The following HNRNPM variants were observed in gnomAD, a reference collection of about 807,000 sequenced individuals.
HNRNPM encodes the protein CEA receptor.
A neutral mutation model predicts 73.1 loss-of-function variants in HNRNPM; 11 were observed. That is an observed-to-expected ratio of 0.15 (90% CI 0.09 to 0.25). The LOEUF (loss-of-function observed/expected upper bound fraction) is 0.25. Ranked by LOEUF, HNRNPM falls within the 10% of genes least tolerant of loss-of-function variation. HNRNPM has a pLI of 1.00. For missense variants in HNRNPM, 789 were observed against 1,067.9 expected (o/e 0.74, Z 3.64); for synonymous variants, 407 against 355.2 (o/e 1.15, Z -1.64).
In HNRNPM at chr19:8,462,297, A is replaced by C. The variant is rs111263517; in HGVS notation, c.284-232A>C. The C allele has an allele frequency of 4.5e-5, 22 of 488,296 alleles. No homozygotes were observed. The highest frequency in any genetic ancestry group is 2.5e-4 in the African/African-American group (13 of 52,062). The allele number at this position is 488,296 out of a possible 1,614,324, so 30.2% of individuals were successfully genotyped here. A position where few individuals can be genotyped will look rare whatever the true frequency, so the allele number is the denominator to read the frequency against. On this transcript the variant is annotated intron_variant, in intron 2 of 15. Transcript: ENST00000325495. This position sits in a 1 kb window ranked among gnomAD's most constrained non-coding sequence, Gnocchi z 4.5. The stretch of plus-strand genomic sequence containing the variant: ...GGAAATTGATACGGAAATCTGTGGA[A>C]TAGCTTGTTTGTGGTGGGAGGAAAA...
intron 8 of HNRNPM, among the ~76,000 whole-genome samples, chr19:8,468,362 G>C (rs569276233): frequency 6.6e-6 from 1 of 152,308 alleles, no homozygotes; most frequent in East Asian, 1.9e-4. Flanking sequence ...CTACAGGCAT[G>C]ACTGGAACAT....
intron 12 of HNRNPM, among the ~76,000 whole-genome samples, chr19:8,479,926 C>T (rs1599839755): frequency 6.7e-6 from 1 of 149,896 alleles, no homozygotes. Flanking sequence ...AGGCGCGTGC[C>T]CCCATGTCCG....
At chr19:8,456,407 G>A (rs764924868) in intron 2 of HNRNPM, among the ~76,000 whole-genome samples, 2 of 152,212 alleles carry the variant, frequency 1.3e-5, no homozygotes, top group Non-Finnish European at 1.5e-5. Flanking sequence ...TAAAGAGACT[G>A]CTCAGCCCTG....
intron 13 of HNRNPM, among the ~76,000 whole-genome samples, chr19:8,485,123 G>T (rs1971183379): frequency 6.6e-6 from 1 of 151,972 alleles, no homozygotes; most frequent in African/African-American, 2.4e-5. Context: ...GTGGCCCCCA[G>T]CAGAGCATCC....
At chr19:8,468,626 G>A (rs561274528) in intron 8 of HNRNPM, 148 bp from the exon 9 acceptor site, 48 of 623,720 alleles carry the variant, frequency 7.7e-5, no homozygotes, top group Admixed American at 4.4e-4. Flanking sequence ...AGCATGCTCC[G>A]CATGCCTTTC....
intron 2 of HNRNPM, 147 bp downstream of exon 2, chr19:8,455,721 C>T: frequency 3.8e-6 from 2 of 526,404 alleles, no homozygotes; most frequent in South Asian, 7.0e-5. Flanking sequence ...CTTACCCCAC[C>T]TCAGTTTTTT....
At chr19:8,485,577 A>C in intron 13 of HNRNPM, 26 bp from the exon 14 acceptor site, 1 of 1,586,212 alleles carries the variant, frequency 6.3e-7, no homozygotes. Flanking sequence ...CTTGACACCC[A>C]CCTGTGTTTT....
intron 2 of HNRNPM, among the ~76,000 whole-genome samples, chr19:8,458,047 CA>C (rs1441198811): frequency 6.6e-6 from 1 of 152,160 alleles, no homozygotes; most frequent in African/African-American, 2.4e-5. Context: ...AATTTTCTGT[CA>C]TTATAGCACT....
chr19:8,485,727 G>T lies in HNRNPM; in HGVS notation c.1299G>T (p.Glu433Asp). 1 of 1,606,456 alleles carries T rather than the reference G, an allele frequency of 6.2e-7. No homozygotes were observed. ...ACGGCATGGATCGCGTGGGCTCCGA[G>T]ATCGAGCGCATGGGCCTGGTCATGG... The part of the protein sequence containing the change: ...LGHGMDRVGS[E>D]IERMGLVMDR... The change falls in exon 14 of 16, where the codon GAG (glutamate) becomes GAT (aspartate). Residue 433 changes from glutamate to aspartate, a missense_variant. Glu to Asp is a conservative substitution (Grantham distance 45, BLOSUM62 2). Coordinates refer to ENST00000325495, the MANE Select transcript of HNRNPM (RefSeq NM_005968.5).
chr19:8,475,171 A>C (rs1037587226), intron 12 of HNRNPM, among the ~76,000 whole-genome samples: 1 of 152,262 alleles, frequency 6.6e-6, no homozygotes, highest in Admixed American at 6.5e-5. Flanking sequence ...AGTGACTGGT[A>C]AACAGTGGTG....
chr19:8,474,099 A>G (rs1437923847), intron 11 of HNRNPM, 68 bp from the exon 12 acceptor site: 12 of 1,181,068 alleles, frequency 1.0e-5, no homozygotes, highest in Non-Finnish European at 1.4e-5. Context: ...ATGTGATAGA[A>G]TTTTTCTTTC....
At chr19:8,452,718 C>G (rs889109414) in intron 1 of HNRNPM, among the ~76,000 whole-genome samples, 2 of 152,170 alleles carry the variant, frequency 1.3e-5, no homozygotes, top group Non-Finnish European at 2.9e-5. Context: ...AGCTGCTTTC[C>G]TTGGTTTTAC....
At chr19:8,475,583 T>A (rs1379223336) in intron 12 of HNRNPM, among the ~76,000 whole-genome samples, 3 of 152,210 alleles carry the variant, frequency 2.0e-5, no homozygotes, top group African/African-American at 7.2e-5. Context: ...GGGCATGATG[T>A]GTGTTGCCCT....
At chr19:8,446,989 A>G (rs894646943) in intron 1 of HNRNPM, among the ~76,000 whole-genome samples, 1 of 152,214 alleles carries the variant, frequency 6.6e-6, no homozygotes, top group African/African-American at 2.4e-5. Flanking sequence ...TATTTACCGT[A>G]TGCAGGAAGG....
chr19:8,448,411 AT>A (rs1353386319), intron 1 of HNRNPM, among the ~76,000 whole-genome samples: 1 of 152,082 alleles, frequency 6.6e-6, no homozygotes, highest in East Asian at 1.9e-4. Flanking sequence ...GGTTTTTAAA[AT>A]TTTTTTAAAT....
chr19:8,449,251 A>T (rs1307112144), intron 1 of HNRNPM, among the ~76,000 whole-genome samples: 1 of 152,188 alleles, frequency 6.6e-6, no homozygotes, highest in East Asian at 1.9e-4. Flanking sequence ...TTAGGGAAAG[A>T]GATACTAGCC....
At chr19:8,460,758 G>A (rs530215032) in intron 2 of HNRNPM, among the ~76,000 whole-genome samples, 1 of 152,296 alleles carries the variant, frequency 6.6e-6, no homozygotes, top group Admixed American at 6.5e-5. Flanking sequence ...TAATTATTGT[G>A]AGTCTTTTAT....
intron 1 of HNRNPM, among the ~76,000 whole-genome samples, chr19:8,454,545 A>G (rs912058823): frequency 6.6e-6 from 1 of 152,084 alleles, no homozygotes; most frequent in Non-Finnish European, 1.5e-5. Context: ...ACATTGGCAT[A>G]TGTGTATGAG....
intron 11 of HNRNPM, 23 bp from the exon 12 acceptor site, chr19:8,474,144 T>C: frequency 6.4e-7 from 1 of 1,556,262 alleles, no homozygotes; most frequent in East Asian, 2.4e-5. Flanking sequence ...TGGATGATGC[T>C]GAAATGTGAA....
Sources: gnomAD v4.1 joint callset for allele counts (sites outside exome capture counted in the v4.1 genomes callset) on GRCh38, gnomAD v4.1.1 for gene constraint, Gnocchi (gnomAD v3.1) non-coding constraint, MANE v1.5 for transcripts, NCBI Gene and HGNC (gene_info 2026-07-23, HGNC 2026-07-21) for gene names.